The following EYA4 variants were observed in gnomAD, a reference collection of about 807,000 sequenced individuals.
EYA4 encodes protein phosphatase EYA4.
Under a neutral mutation model 87.9 loss-of-function variants are expected in EYA4, and 31 were observed. The ratio of observed to expected loss-of-function variants is 0.35; its 90% CI spans 0.27 to 0.48. The LOEUF is 0.48. Ranked by LOEUF, EYA4 falls within the 20% of genes least tolerant of loss-of-function variation. The probability of loss-of-function intolerance (pLI) is 0.99; values close to 1 mark genes in which losing one functional copy is unlikely to be tolerated. For missense variants in EYA4, 678 were observed against 761.4 expected (o/e 0.89, Z 1.29); for synonymous variants, 263 against 270.6 (o/e 0.97, Z 0.28).
intron 14 of EYA4, among the ~76,000 whole-genome samples, chr6:133,509,758 G>GTAT (rs1337832353): frequency 6.6e-6 from 1 of 152,152 alleles, no homozygotes; most frequent in Non-Finnish European, 1.5e-5. Context: ...CAAAATTAAA[G>GTAT]TATTTAAAGT....
intron 5 of EYA4, among the ~76,000 whole-genome samples, chr6:133,454,012 G>T (rs1489108160): frequency 1.3e-5 from 2 of 152,064 alleles, no homozygotes; most frequent in African/African-American, 2.4e-5. Context: ...AAATTGAAGA[G>T]ATTATAATCA....
chr6:133,257,595 G>A (rs973714), intron 1 of EYA4, among the ~76,000 whole-genome samples: 61,049 of 151,892 alleles, frequency 0.4, 12,713 homozygotes, highest in South Asian at 0.54. Flanking sequence ...GCTAAAAAAC[G>A]TTTTATAAAC....
intron 2 of EYA4, among the ~76,000 whole-genome samples, chr6:133,300,808 G>C (rs1779345250): frequency 6.6e-6 from 1 of 152,156 alleles, no homozygotes; most frequent in Non-Finnish European, 1.5e-5. Context: ...TGCTTTAATT[G>C]ATGATAGTGT....
intron 17 of EYA4, among the ~76,000 whole-genome samples, chr6:133,519,513 A>T (rs1209009673): frequency 6.6e-6 from 1 of 151,614 alleles, no homozygotes; most frequent in African/African-American, 2.4e-5. Context: ...ATAGCTTACC[A>T]ACCAAAAAGA....
chr6:133,339,024 G>A (rs1782588896), intron 2 of EYA4, among the ~76,000 whole-genome samples: 1 of 152,152 alleles, frequency 6.6e-6, no homozygotes, highest in South Asian at 2.1e-4. Flanking sequence ...ATTAGGTGCT[G>A]AAATCAGTGC....
At chr6:133,250,418 G>A (rs147482335) in intron 1 of EYA4, among the ~76,000 whole-genome samples, 16 of 152,180 alleles carry the variant, frequency 1.1e-4, no homozygotes, top group African/African-American at 3.9e-4. Context: ...GAGGCGGATG[G>A]ATCACCTGAA....
At chr6:133,263,891 A>G (rs1582783958) in intron 1 of EYA4, among the ~76,000 whole-genome samples, 1 of 152,324 alleles carries the variant, frequency 6.6e-6, no homozygotes, top group East Asian at 1.9e-4. Flanking sequence ...CTCTTCAGGC[A>G]CCTGTTTCCC....
rs139896391 is a variant in EYA4, at chr6:133,361,491, A to G, written c.34-20901A>G. On this transcript the variant is annotated intron_variant, in intron 2 of 19. Coordinates refer to ENST00000355286, the MANE Select transcript of EYA4 (RefSeq NM_004100.5). ...GTAATAAGTCTCATTATTGTGAGTA[A>G]TAAGTCTCTGACCGAGAAGTCTTGT... 1.5e-4 allele frequency among the ~76,000 whole-genome samples: 23 copies of G among 152,332 alleles called. No homozygotes were observed. The East Asian group carries it at 4.2e-3, about 28-fold the overall frequency.
intron 3 of EYA4, among the ~76,000 whole-genome samples, chr6:133,434,444 G>A (rs926515917): frequency 2.0e-5 from 3 of 152,138 alleles, no homozygotes; most frequent in African/African-American, 4.8e-5. Context: ...AATTTATGAA[G>A]GATGCACTGT....
chr6:133,276,607 G>A (rs968970410), intron 2 of EYA4, among the ~76,000 whole-genome samples: 4 of 152,136 alleles, frequency 2.6e-5, no homozygotes, highest in African/African-American at 9.7e-5. Context: ...TTCCAGTGAT[G>A]CTAGTGAGCA....
At chr6:133,304,162 G>T (rs1779629848) in intron 2 of EYA4, among the ~76,000 whole-genome samples, 1 of 152,206 alleles carries the variant, frequency 6.6e-6, no homozygotes, top group Admixed American at 6.5e-5. Context: ...GTGGGTTTTT[G>T]TGGCCATCAT....
At chr6:133,299,496 G>A (rs1247811652) in intron 2 of EYA4, among the ~76,000 whole-genome samples, 2 of 151,860 alleles carry the variant, frequency 1.3e-5, no homozygotes, top group African/African-American at 4.8e-5. Flanking sequence ...TGGATCACGA[G>A]GTCAGGAGAT....
intron 2 of EYA4, among the ~76,000 whole-genome samples, chr6:133,302,205 C>T: frequency 6.6e-6 from 1 of 152,022 alleles, no homozygotes; most frequent in Non-Finnish European, 1.5e-5. Context: ...ATTTCCTTAT[C>T]TGTTTTATTT....
chr6:133,359,500 A>G (rs1003443880), intron 2 of EYA4, among the ~76,000 whole-genome samples: 2 of 152,112 alleles, frequency 1.3e-5, no homozygotes, highest in East Asian at 3.9e-4. Flanking sequence ...GATTTCAGCA[A>G]TTCCCTTATC....
intron 3 of EYA4, among the ~76,000 whole-genome samples, chr6:133,398,707 C>T (rs1197842073): frequency 1.3e-5 from 2 of 152,110 alleles, no homozygotes; most frequent in Admixed American, 1.3e-4. Context: ...CAGAATTTCG[C>T]TAAGAATGTG....
intron 3 of EYA4, among the ~76,000 whole-genome samples, chr6:133,401,760 T>C (rs941255889): frequency 1.3e-5 from 2 of 152,226 alleles, no homozygotes; most frequent in African/African-American, 2.4e-5. Context: ...AAGATAGTTA[T>C]CTTCAGCCTT....
At chr6:133,319,454 A>T (rs1438833509) in intron 2 of EYA4, among the ~76,000 whole-genome samples, 1 of 150,810 alleles carries the variant, frequency 6.6e-6, no homozygotes, top group Non-Finnish European at 1.5e-5. Context: ...ACTTATGCAT[A>T]CAAGTTCATA....
chr6:133,387,926 C>A (rs1006719083), intron 3 of EYA4, among the ~76,000 whole-genome samples: 11 of 152,052 alleles, frequency 7.2e-5, no homozygotes, highest in African/African-American at 2.7e-4. Flanking sequence ...CTGACAGATT[C>A]CTGCAGATAT....
chr6:133,387,386 G>T (rs1160723128), intron 3 of EYA4, among the ~76,000 whole-genome samples: 1 of 152,120 alleles, frequency 6.6e-6, no homozygotes, highest in African/African-American at 2.4e-5. Context: ...CAAATCAGAG[G>T]TCCATCTAGC....
Sources: allele counts gnomAD v4.1 joint callset (sites outside exome capture counted in the v4.1 genomes callset), GRCh38; gene constraint gnomAD v4.1.1; transcripts MANE v1.5; gene names NCBI Gene and HGNC (gene_info 2026-07-23, HGNC 2026-07-21).